The following GRIK1 variants were observed in gnomAD, a reference collection of about 807,000 sequenced individuals.
GRIK1 encodes the protein glutamate ionotropic receptor kainate type subunit 1.
A neutral mutation model predicts 105.7 loss-of-function variants in GRIK1; 69 were observed. The observed-to-expected ratio is 0.65, with a 90% CI of 0.54 to 0.80. GRIK1 has a LOEUF of 0.80. Ranked by LOEUF, GRIK1 falls within the 30% of genes least tolerant of loss-of-function variation. The pLI is 0.00. For missense variants in GRIK1, 1,109 were observed against 1,167.3 expected, an observed-to-expected ratio of 0.95 and a Z score of 0.73; for synonymous variants, 438 against 431.3, an observed-to-expected ratio of 1.02 and a Z score of -0.19.
intron 1 of GRIK1, among the ~76,000 whole-genome samples, chr21:29,835,168 T>A (rs369304679): frequency 4.0e-4 from 61 of 152,314 alleles, no homozygotes; most frequent in Admixed American, 1.3e-3. Context: ...TGTTTGTATT[T>A]TGTGTACTTT....
At position 29,939,870 on chromosome 21, in the gene GRIK1, A is replaced by C. The variant is rs2146393877; in HGVS notation, c.-370T>G. 1 of 185,864 alleles carries C rather than the reference A, an allele frequency of 5.4e-6. No individual in the cohort carries two copies. Among genetic ancestry groups the C allele is most frequent in the South Asian group, 1.5e-4 (1 of 6,552 alleles). The allele number at this position is 185,864 out of a possible 1,614,324, so 11.5% of individuals were successfully genotyped here. A position where few individuals can be genotyped will look rare whatever the true frequency, so the allele number is the denominator to read the frequency against. ...CATTCGTCCTTTGGTCAGATGCAAA[A>C]GTCGGGGGATAGGCACAGACAGAGG... On this transcript the variant is annotated 5_prime_UTR_variant, in exon 1 of 18. Transcript: ENST00000327783.
chr21:29,917,959 CCTGA>C (rs138550093), intron 1 of GRIK1, among the ~76,000 whole-genome samples: 2,003 of 151,880 alleles, frequency 0.013, 51 homozygotes, highest in African/African-American at 0.046. Flanking sequence ...AATATGCCCC[CCTGA>C]CTAAGAGATT....
At chr21:29,697,647 C>G in intron 1 of GRIK1, among the ~76,000 whole-genome samples, 1 of 152,094 alleles carries the variant, frequency 6.6e-6, no homozygotes. Context: ...CTGACAGAAA[C>G]AGGAGAAAGT....
At chr21:29,865,859 GT>G (rs2068784549) in intron 1 of GRIK1, among the ~76,000 whole-genome samples, 1 of 152,166 alleles carries the variant, frequency 6.6e-6, no homozygotes, top group South Asian at 2.1e-4. Context: ...GTGCAAATAT[GT>G]TTGTATAAAG....
intron 1 of GRIK1, among the ~76,000 whole-genome samples, chr21:29,740,250 C>T (rs1199204581): frequency 1.3e-5 from 2 of 151,428 alleles, no homozygotes; most frequent in Non-Finnish European, 2.9e-5. Context: ...ACAGAGTCTC[C>T]CTCTGTCACC....
chr21:29,795,094 G>A (rs1268872499), intron 1 of GRIK1, among the ~76,000 whole-genome samples: 1 of 135,050 alleles, frequency 7.4e-6, no homozygotes, highest in Non-Finnish European at 1.5e-5. Context: ...GGAGTGCAGT[G>A]GTGCAATCTT....
chr21:29,856,344 C>A (rs1023776910), intron 1 of GRIK1, among the ~76,000 whole-genome samples: 2 of 152,064 alleles, frequency 1.3e-5, no homozygotes, highest in Non-Finnish European at 2.9e-5. Flanking sequence ...AATGAAGTAG[C>A]CAATTATGTT....
At chr21:29,643,742 A>T (rs140877254) in intron 6 of GRIK1, among the ~76,000 whole-genome samples, 1 of 152,302 alleles carries the variant, frequency 6.6e-6, no homozygotes, top group East Asian at 1.9e-4. Flanking sequence ...TTAGGGATAA[A>T]ATCTTATAAT....
chr21:29,611,750 G>A (rs1220400181), intron 7 of GRIK1, among the ~76,000 whole-genome samples: 2 of 152,190 alleles, frequency 1.3e-5, no homozygotes, highest in African/African-American at 4.8e-5. Flanking sequence ...ATGAAAGCAT[G>A]TGGGCTTATT....
chr21:29,907,751 C>G (rs969504072), intron 1 of GRIK1, among the ~76,000 whole-genome samples: 1 of 152,094 alleles, frequency 6.6e-6, no homozygotes, highest in Admixed American at 6.6e-5. Context: ...GAGTCTCATT[C>G]TGTCCATAAT....
intron 6 of GRIK1, among the ~76,000 whole-genome samples, chr21:29,649,894 T>C (rs2062697212): frequency 6.6e-6 from 1 of 152,204 alleles, no homozygotes. Flanking sequence ...TCGAACCATA[T>C]TTGAACTCAT....
chr21:29,861,308 T>A (rs2068628222), intron 1 of GRIK1, among the ~76,000 whole-genome samples: 1 of 28,700 alleles, frequency 3.5e-5, no homozygotes, highest in Non-Finnish European at 1.6e-4. Flanking sequence ...TTGTACTTAC[T>A]CTTTTTTTTT....
Position 29,689,955 on chromosome 21 carries a change from G to A in GRIK1, c.317C>T (p.Ala106Val), listed in dbSNP as rs200834638. ...GGAGCTATGGGAAGGGCCAAAGAGA[G>A]CAGCCACACCAAGAGCCAGCTGGTC... ...ACDQLALGVA[A>V]LFGPSHSSSV... Residue 106 changes from alanine (A) to valine (V), a missense_variant, in exon 3 of 18, where the codon GCT becomes GTT. Physicochemically the swap from Ala to Val is moderately conservative, Grantham distance 64 (BLOSUM62 0). Transcript: ENST00000327783. The A allele has an allele frequency of 1.9e-6, 3 of 1,591,064 alleles. No homozygotes were observed. Among genetic ancestry groups the A allele is most frequent in the African/African-American group, 2.7e-5 (2 of 74,224 alleles).
intron 2 of GRIK1, 72 bp downstream of exon 2, chr21:29,693,824 T>C (rs1285149216): frequency 9.0e-7 from 1 of 1,108,184 alleles, no homozygotes; most frequent in African/African-American, 1.6e-5. Context: ...AGAGGGCAGG[T>C]AGCAAAAAGA....
In GRIK1 at chr21:29,866,356, A is replaced by G. The variant is rs1016041555; in HGVS notation, c.118+73027T>C. Among the ~76,000 whole-genome samples the G allele has an allele frequency of 1.2e-4, 18 of 152,144 alleles. 1 individual carries two copies. The highest frequency in any genetic ancestry group is 1.0e-4 in the Non-Finnish European group (7 of 68,014). ...GCTGAGATTACAGGTATGAGCCACT[A>G]AGCCAGAATTTTTACATGTTTAATT... On this transcript the variant is annotated intron_variant, in intron 1 of 17. Transcript: ENST00000327783.
rs191175445 is a variant in GRIK1 at position 29,920,252 on chromosome 21, T to G, written c.118+19131A>C. Among the ~76,000 whole-genome samples, 445 of 152,194 alleles carry G rather than the reference T, an allele frequency of 2.9e-3. 1 individual carries two copies. Among genetic ancestry groups the G allele is most frequent in the African/African-American group, 0.01 (434 of 41,492 alleles). ...ACTAGTTCTACATTGTAAATTTAAC[T>G]TGAGGAATAGTTTCATTTTCCCATT... On this transcript the variant is annotated intron_variant, in intron 1 of 17. Transcript: ENST00000327783.
rs1003234357 is a variant in GRIK1 at position 29,827,975 on chromosome 21, A to C, written c.118+111408T>G. ...CATGTCTTTCTATAATATAGTTAGG[A>C]TCTCTCTCTCTCTCTCTCTCTCTCT... On this transcript the variant is annotated intron_variant, in intron 1 of 17. Coordinates refer to ENST00000327783, the MANE Select transcript of GRIK1 (RefSeq NM_001330994.2). Among the ~76,000 whole-genome samples the C allele has an allele frequency of 9.8e-3, 1,108 of 113,572 alleles. 15 individuals carry two copies. Among genetic ancestry groups the C allele is most frequent in the African/African-American group, 0.032 (1,064 of 32,762 alleles). 74.5% of individuals were successfully genotyped at this position (113,572 alleles called of 152,430 possible). A position where few individuals can be genotyped will look rare whatever the true frequency, so the allele number is the denominator to read the frequency against.
At position 29,904,155 on chromosome 21, in the gene GRIK1, G is replaced by C. The variant is rs1010541539; in HGVS notation, c.118+35228C>G. On this transcript the variant is annotated intron_variant, in intron 1 of 17. Coordinates refer to ENST00000327783, the MANE Select transcript of GRIK1 (RefSeq NM_001330994.2). ...GGATGCTAGGGGAGGGTTAGCATTA[G>C]AAGAAATACCAAATGTAGGTGACAG... Among the ~76,000 whole-genome samples, 5 of 152,102 alleles carry C rather than the reference G, an allele frequency of 3.3e-5. 1 individual carries two copies. In the South Asian group the frequency reaches 8.3e-4, roughly 25 times the overall value.
intron 16 of GRIK1, among the ~76,000 whole-genome samples, chr21:29,544,335 G>T (rs1408187598): frequency 6.6e-6 from 1 of 152,178 alleles, no homozygotes; most frequent in African/African-American, 2.4e-5. Context: ...TGCACATGGG[G>T]TGGCCACGCA....
Sources: allele counts gnomAD v4.1 joint callset (sites outside exome capture counted in the v4.1 genomes callset), GRCh38; gene constraint gnomAD v4.1.1; transcripts MANE v1.5; gene names NCBI Gene and HGNC (gene_info 2026-07-23, HGNC 2026-07-21).